ELAVL2: variants seen among roughly 807,000 people sequenced by gnomAD.
The protein encoded by ELAVL2 is ELAV like RNA binding protein 2, also known as ELAV-like protein 2.
In ELAVL2, 4 loss-of-function variants were observed where a neutral mutation model predicts 34.6. The ratio of observed to expected loss-of-function variants is 0.12; its 90% CI spans 0.06 to 0.26. The LOEUF (loss-of-function observed/expected upper bound fraction) is 0.26. ELAVL2 is among the 10% of genes least tolerant of loss of function. The probability of loss-of-function intolerance (pLI) is 1.00; values close to 1 mark genes in which losing one functional copy is unlikely to be tolerated. For synonymous variants in ELAVL2, 193 were observed against 154.8 expected, an observed-to-expected ratio of 1.25 and a Z score of -1.83; for missense variants, 432 against 442.8, an observed-to-expected ratio of 0.98 and a Z score of 0.22.
intron 2 of ELAVL2, among the ~76,000 whole-genome samples, chr9:23,761,035 G>T (rs969127539): frequency 6.6e-6 from 1 of 151,922 alleles, no homozygotes; most frequent in African/African-American, 2.4e-5. Flanking sequence ...AGAAGTCTAG[G>T]GCTGACTTAT....
chr9:23,784,535 T>C (rs1331941173), intron 1 of ELAVL2, among the ~76,000 whole-genome samples: 3 of 152,194 alleles, frequency 2.0e-5, no homozygotes, highest in Non-Finnish European at 4.4e-5. Context: ...TAAGACATAA[T>C]TTGTACCCTG....
intron 1 of ELAVL2, among the ~76,000 whole-genome samples, chr9:23,809,633 T>C (rs1018077861): frequency 4.6e-5 from 7 of 152,166 alleles, no homozygotes; most frequent in African/African-American, 1.4e-4. Context: ...TATTCTTTCT[T>C]TAAATTATTA....
chr9:23,769,321 A>G (rs1276035018), intron 1 of ELAVL2, among the ~76,000 whole-genome samples: 1 of 152,202 alleles, frequency 6.6e-6, no homozygotes, highest in Non-Finnish European at 1.5e-5. Context: ...ATATGAGCTT[A>G]TAGATGACAG....
intron 1 of ELAVL2, among the ~76,000 whole-genome samples, chr9:23,794,271 G>C (rs1300192871): frequency 6.6e-6 from 1 of 152,204 alleles, no homozygotes; most frequent in East Asian, 1.9e-4. Context: ...CAAACTGATA[G>C]TGTAACATTC....
Position 23,705,149 on chromosome 9 carries a change from G to C in ELAVL2, c.334-78C>G, listed in dbSNP as rs10117078. 3.9e-3 allele frequency: 5,995 copies of C among 1,544,174 alleles called. 173 individuals carry two copies. In the African/African-American group the frequency reaches 0.07, roughly 18 times the overall value. ...CCTTTAGAAACTCAAAAACTGCCTC[G>C]GTAACTTTCCCATGAACAGCATAGA... is the stretch of plus-strand genomic sequence containing the variant. On this transcript the variant is annotated intron_variant, in intron 3 of 6. Coordinates refer to ENST00000397312, the MANE Select transcript of ELAVL2 (RefSeq NM_004432.5).
chr9:23,740,856 C>T (rs905479101), intron 2 of ELAVL2, among the ~76,000 whole-genome samples: 2 of 152,210 alleles, frequency 1.3e-5, no homozygotes, highest in Non-Finnish European at 2.9e-5. Flanking sequence ...ATGTTTGCTA[C>T]TGCCAAAACG....
intron 2 of ELAVL2, 151 bp downstream of exon 2, chr9:23,761,855 C>A: frequency 8.8e-7 from 1 of 1,132,088 alleles, no homozygotes. Context: ...AAATTTTAAA[C>A]TAAGTTTCAT....
intron 1 of ELAVL2, among the ~76,000 whole-genome samples, chr9:23,790,586 TC>T (rs1362879785): frequency 6.6e-6 from 1 of 152,134 alleles, no homozygotes; most frequent in Non-Finnish European, 1.5e-5. Flanking sequence ...CTCACTGCAG[TC>T]CCTCAAGAAA....
chr9:23,789,499 T>C (rs986537943), intron 1 of ELAVL2, among the ~76,000 whole-genome samples: 3 of 152,240 alleles, frequency 2.0e-5, no homozygotes, highest in Non-Finnish European at 4.4e-5. Context: ...GTAAAACTTT[T>C]AATTATTTCT....
upstream of ELAVL2, among the ~76,000 whole-genome samples, chr9:23,830,601 TACAC>T (rs10525135): frequency 1.9e-4 from 25 of 133,182 alleles, no homozygotes; most frequent in Non-Finnish European, 2.7e-4. Context: ...GCCCCCCACT[TACAC>T]ACACACACAC....
At chr9:23,813,382 T>C (rs953159732) in intron 1 of ELAVL2, among the ~76,000 whole-genome samples, 3 of 147,934 alleles carry the variant, frequency 2.0e-5, no homozygotes, top group Non-Finnish European at 3.0e-5. Flanking sequence ...CACACACACA[T>C]AAACCACACA....
At chr9:23,779,456 G>A in intron 1 of ELAVL2, 2 of 975,172 alleles carry the variant, frequency 2.1e-6, no homozygotes, top group Non-Finnish European at 2.4e-6. Context: ...GAAAGCTAGA[G>A]AGTGGGTGGG....
the ELAVL2 span, among the ~76,000 whole-genome samples, chr9:23,837,843 C>A: frequency 6.6e-6 from 1 of 152,146 alleles, no homozygotes; most frequent in Non-Finnish European, 1.5e-5. Context: ...GCCGTGCTCT[C>A]TACTGCTGAC....
intron 1 of ELAVL2, among the ~76,000 whole-genome samples, chr9:23,810,515 C>G (rs1019503078): frequency 6.6e-6 from 1 of 152,176 alleles, no homozygotes; most frequent in African/African-American, 2.4e-5. Context: ...CTGCTGGAGT[C>G]ACACCATTTT....
At chr9:23,748,507 A>C (rs2051076970) in intron 2 of ELAVL2, among the ~76,000 whole-genome samples, 1 of 152,158 alleles carries the variant, frequency 6.6e-6, no homozygotes, top group Admixed American at 6.6e-5. Context: ...TACATACACC[A>C]ACTGCCTCTT....
At chr9:23,801,548 C>A (rs940173337) in intron 1 of ELAVL2, among the ~76,000 whole-genome samples, 1 of 152,178 alleles carries the variant, frequency 6.6e-6, no homozygotes, top group Non-Finnish European at 1.5e-5. Context: ...ATCTCACCAA[C>A]AGAAGTGTCC....
At chr9:23,832,611 G>A in the ELAVL2 span, among the ~76,000 whole-genome samples, 30 of 152,126 alleles carry the variant, frequency 2.0e-4, no homozygotes, top group Admixed American at 6.5e-5. Context: ...TTATGAGGTG[G>A]ATAGCAAGTA....
intron 1 of ELAVL2, among the ~76,000 whole-genome samples, chr9:23,783,118 T>C (rs2136907097): frequency 6.6e-6 from 1 of 152,362 alleles, no homozygotes; most frequent in Non-Finnish European, 1.5e-5. Context: ...TAAGCATACC[T>C]GGAATTTACT....
At chr9:23,711,450 T>C (rs2040931055) in intron 3 of ELAVL2, among the ~76,000 whole-genome samples, 1 of 152,186 alleles carries the variant, frequency 6.6e-6, no homozygotes. Context: ...TTAGAATTCT[T>C]ATTCCTTTAT....
Sources: gnomAD v4.1 joint callset for allele counts (sites outside exome capture counted in the v4.1 genomes callset) on GRCh38, gnomAD v4.1.1 for gene constraint, MANE v1.5 for transcripts, NCBI Gene and HGNC (gene_info 2026-07-23, HGNC 2026-07-21) for gene names.